FAT1: variants seen among roughly 807,000 people sequenced by gnomAD.
FAT1 encodes FAT atypical cadherin 1.
In FAT1, 171 loss-of-function variants were observed where a neutral mutation model predicts 329.8. That is an observed-to-expected ratio of 0.52 (90% confidence interval 0.46 to 0.59). FAT1 has a LOEUF of 0.59. Among genes scored for constraint, FAT1 ranks in the 20% least tolerant of loss-of-function variants. FAT1 has a pLI of 0.00. For missense variants in FAT1, 5,672 were observed against 5,774.4 expected, an observed-to-expected ratio of 0.98 and a Z score of 0.57; for synonymous variants, 2,233 against 2,228.6, an observed-to-expected ratio of 1.00 and a Z score of -0.06.
rs1239163946 is a variant in FAT1, at chr4:186,619,735, G to A, written c.6851C>T (p.Ala2284Val). The A allele has an allele frequency of 6.2e-7, 1 of 1,614,018 alleles. No individual in the cohort carries two copies. Reference protein sequence around the residue: ...DDINDNPPVFAQQSYAVTLSE... With the variant: ...DDINDNPPVFVQQSYAVTLSE... ...CAGGGTCACCGCATAAGACTGCTGAGCAAACACAGGAGGGTTATCATTGAT... is the reference window on the plus strand; with the variant it reads ...CAGGGTCACCGCATAAGACTGCTGAACAAACACAGGAGGGTTATCATTGAT... Residue 2284 changes from alanine (A) to valine (V), a missense_variant, in exon 10 of 27, where the codon GCT (alanine) becomes GTT (valine). By Grantham distance (64) the Ala-to-Val change is moderately conservative. Around this residue, in one of 2 missense-constraint regions of FAT1, gnomAD observed 3,966 missense variants for 3,915.2 expected, o/e 1.01. Transcript: ENST00000441802.
intron 2 of FAT1, among the ~76,000 whole-genome samples, chr4:186,666,048 A>AGGGGGGT (rs71595113): frequency 2.2e-5 from 1 of 45,074 alleles, no homozygotes; most frequent in Non-Finnish European, 4.0e-5. Flanking sequence ...GGGTGGGGGG[A>AGGGGGGT]GGGGGGAGGG....
chr4:186,702,009 TGACACAGACATGA>T (rs1744348976), intron 2 of FAT1, among the ~76,000 whole-genome samples: 1 of 99,670 alleles, frequency 1.0e-5, no homozygotes, highest in South Asian at 4.0e-4. Context: ...CCCACACAGG[TGACACAGACATGA>T]GGCCAGGAGC....
chr4:186,613,772 T>C (rs1331789834), intron 12 of FAT1, among the ~76,000 whole-genome samples: 3 of 152,216 alleles, frequency 2.0e-5, no homozygotes, highest in Non-Finnish European at 4.4e-5. Flanking sequence ...TATTTTAAAA[T>C]AAATAAAATC....
intron 14 of FAT1, 123 bp downstream of exon 14, chr4:186,611,263 G>A: frequency 1.2e-6 from 1 of 813,196 alleles, no homozygotes; most frequent in Non-Finnish European, 1.8e-6. Flanking sequence ...AAGAAAACTT[G>A]ATTTGCCTTT....
chr4:186,660,336 G>A lies in FAT1; in HGVS notation c.3580+2963C>T, dbSNP rs370654728. On this transcript the variant is annotated intron_variant, in intron 3 of 26. Coordinates refer to ENST00000441802, the MANE Select transcript of FAT1 (RefSeq NM_005245.4). ...TTTCTGCTGAGGTGGGGGAAGAGAA[G>A]CATCTAGAAACAGATCTAATGAAGC... 2.6e-5 allele frequency among the ~76,000 whole-genome samples: 4 copies of A among 152,168 alleles called. No individual in the cohort carries two copies. The South Asian group carries it at 6.2e-4, about 24-fold the overall frequency.
intron 7 of FAT1, 99 bp from the exon 8 acceptor site, chr4:186,628,862 C>T: frequency 8.4e-7 from 1 of 1,196,084 alleles, no homozygotes; most frequent in Non-Finnish European, 1.1e-6. Context: ...TGAAACGATA[C>T]TGTGGCAAAA....
At chr4:186,686,824 A>AG (rs1296564858) in intron 2 of FAT1, among the ~76,000 whole-genome samples, 4 of 152,240 alleles carry the variant, frequency 2.6e-5, no homozygotes, top group Non-Finnish European at 5.9e-5. Flanking sequence ...CTATGGACAC[A>AG]GGTGAGTGAA....
At position 186,667,867 on chromosome 4, in the gene FAT1, G is replaced by A. The variant is rs140336355; in HGVS notation, c.3266-4254C>T. 2.2e-3 allele frequency among the ~76,000 whole-genome samples: 335 copies of A among 152,280 alleles called. 2 individuals are homozygous for A. The highest frequency in any genetic ancestry group is 3.5e-3 in the Admixed American group (53 of 15,286). The stretch of plus-strand genomic sequence containing the variant: ...AACTGGTGGGATCCGGAGCTGAGCC[G>A]GACAGTCTGACTCCAGGCCTCAGGG... On this transcript the variant is annotated intron_variant, in intron 2 of 26. Coordinates refer to ENST00000441802, the MANE Select transcript of FAT1 (RefSeq NM_005245.4).
chr4:186,663,373 C>T lies in FAT1; in HGVS notation c.3506G>A (p.Ser1169Asn), dbSNP rs2126616987. Residue 1169 changes from serine to asparagine, a missense_variant, in exon 3 of 27, where the codon AGC (serine) becomes AAC (asparagine). This residue lies in a region of FAT1 where 3,966 missense variants were observed against 3,915.2 expected (regional missense o/e 1.01). Transcript: ENST00000441802. ...TTTGTACATGAGCTTGTCATTAGAG[C>T]TCGAATCTGGATCAAATGCCTCGAT... ...VQIEAFDPDS[S>N]SNDKLMYKIT... is the part of the protein sequence containing the mutation. The T allele has an allele frequency of 6.2e-7, 1 of 1,613,974 alleles. No homozygotes were observed. Among genetic ancestry groups the T allele is most frequent in the Middle Eastern group, 1.6e-4 (1 of 6,062 alleles).
At chr4:186,714,923 C>T (rs1372576789) in intron 1 of FAT1, among the ~76,000 whole-genome samples, 1 of 152,012 alleles carries the variant, frequency 6.6e-6, no homozygotes, top group Non-Finnish European at 1.5e-5. Context: ...ACTAAAAATA[C>T]AAAAAGTAGC....
At chr4:186,718,160 C>T (rs985489295) in intron 1 of FAT1, among the ~76,000 whole-genome samples, 2 of 152,088 alleles carry the variant, frequency 1.3e-5, no homozygotes, top group Non-Finnish European at 1.5e-5. Flanking sequence ...AGCAAGAAAA[C>T]GGAAATCTTC....
At chr4:186,605,315 A>G (rs1579305838) in intron 17 of FAT1, among the ~76,000 whole-genome samples, 8 of 74,668 alleles carry the variant, frequency 1.1e-4, no homozygotes, top group Admixed American at 2.9e-4. Context: ...GAGAAGGGGG[A>G]GGAGGAGGGG....
rs759568997 is a variant in FAT1 at position 186,619,382 on chromosome 4, G to A, written c.7204C>T (p.His2402Tyr). Residue 2402 changes from histidine (H) to tyrosine (Y), a missense_variant, in exon 10 of 27, where the codon CAC (histidine) becomes TAC (tyrosine). This residue lies in a region of FAT1 where 3,966 missense variants were observed against 3,915.2 expected (regional missense o/e 1.01). Transcript: ENST00000441802. ...QQIYEARISE[H>Y]APHGHFVTCV... is the part of the protein sequence containing the mutation. ...GTCACGAAATGCCCATGAGGGGCGT[G>A]CTCGCTAATTCTGGCTTCATAAATC... 1 of 1,613,992 alleles carries A rather than the reference G, an allele frequency of 6.2e-7. No individual in the cohort carries two copies. The highest frequency in any genetic ancestry group is 8.5e-7 in the Non-Finnish European group (1 of 1,179,878).
rs1275046517 is a variant in FAT1, at chr4:186,604,552, C to T, written c.10373G>A (p.Ser3458Asn). The T allele has an allele frequency of 6.2e-7, 1 of 1,609,904 alleles. No individual in the cohort carries two copies. The highest frequency in any genetic ancestry group is 1.7e-5 in the Admixed American group (1 of 59,236). Reference sequence around the variant, plus strand: ...ATCTGTTACTACCAGCTGCAGCACGCTGAAGCCCACTGGCTTATTTTCCTG... The same window carrying T: ...ATCTGTTACTACCAGCTGCAGCACGTTGAAGCCCACTGGCTTATTTTCCTG... ...IIQENKPVGF[S>N]VLQLVVTDED... Residue 3458 changes from serine (S) to asparagine (N), a missense_variant, in exon 18 of 27, where the codon AGC (serine) becomes AAC (asparagine). Physicochemically the swap from Ser to Asn is conservative, Grantham distance 46. Transcript: ENST00000441802.
chr4:186,710,723 C>T (rs2126708346), intron 1 of FAT1, among the ~76,000 whole-genome samples: 1 of 152,262 alleles, frequency 6.6e-6, no homozygotes, highest in African/African-American at 2.4e-5. Context: ...ACCTGTCACC[C>T]TGGGCCCCTC....
chr4:186,663,454 G>T lies in FAT1; in HGVS notation c.3425C>A (p.Pro1142His), dbSNP rs773454278. The T allele has an allele frequency of 6.2e-7, 1 of 1,614,000 alleles. No homozygotes were observed. Among genetic ancestry groups the T allele is most frequent in the Non-Finnish European group, 8.5e-7 (1 of 1,179,886 alleles). ...VNDNAPQTSE[P>H]VYYPEIMENS... ...TTCCATGATTTCTGGGTAATAAACA[G>T]GCTCTGATGTCTGTGGTGCATTGTC... is the stretch of plus-strand genomic sequence containing the variant. The change falls in exon 3 of 27, where the codon CCT becomes CAT. Residue 1142 changes from proline (P) to histidine (H), a missense_variant. By Grantham distance (77) the Pro-to-His change is moderately conservative. Transcript: ENST00000441802.
At chr4:186,648,712 C>A (rs536545405) in intron 3 of FAT1, among the ~76,000 whole-genome samples, 1 of 152,134 alleles carries the variant, frequency 6.6e-6, no homozygotes, top group Non-Finnish European at 1.5e-5. Flanking sequence ...ACTGCTCGAG[C>A]CTTTTCCTGC....
intron 1 of FAT1, among the ~76,000 whole-genome samples, chr4:186,712,733 G>C (rs1009891252): frequency 6.0e-5 from 8 of 134,360 alleles, no homozygotes; most frequent in Admixed American, 5.8e-4. Context: ...GGGAAACGTA[G>C]AGTGTTCAAT....
intron 17 of FAT1, among the ~76,000 whole-genome samples, chr4:186,605,732 T>C (rs1254368223): frequency 8.4e-6 from 1 of 119,220 alleles, no homozygotes; most frequent in East Asian, 2.8e-4. Flanking sequence ...GAAGGAAGGA[T>C]TGGGGGCTAG....
Sources: gnomAD v4.1 joint callset for allele counts (sites outside exome capture counted in the v4.1 genomes callset) on GRCh38, gnomAD v4.1.1 for gene constraint, gnomAD v4.1.1 regional missense constraint, MANE v1.5 for transcripts, NCBI Gene and HGNC (gene_info 2026-07-23, HGNC 2026-07-21) for gene names.